The following ANKS1A variants were observed in gnomAD, a reference collection of about 807,000 sequenced individuals.
ANKS1A encodes the protein ankyrin repeat and SAM domain-containing protein 1A.
Under a neutral mutation model 120.3 loss-of-function variants are expected in ANKS1A, and 55 were observed. That is an observed-to-expected ratio of 0.46 (90% confidence interval 0.37 to 0.57). The LOEUF (loss-of-function observed/expected upper bound fraction) is 0.57, where lower values mean the gene tolerates loss of function less well. Among genes scored for constraint, ANKS1A ranks in the 20% least tolerant of loss-of-function variants. The probability of loss-of-function intolerance (pLI) is 0.00; values close to 1 mark genes in which losing one functional copy is unlikely to be tolerated. For synonymous variants in ANKS1A, 590 were observed against 604.7 expected (o/e 0.98, Z 0.36); for missense variants, 1,123 against 1,480.3 (o/e 0.76, Z 3.96).
chr6:35,086,483 G>A lies in ANKS1A; in HGVS notation c.3304-469G>A. The A allele has an allele frequency of 1.5e-6, 1 of 650,796 alleles. No homozygotes were observed. The allele number at this position is 650,796 out of a possible 1,614,324, so 40.3% of individuals were successfully genotyped here. ...GTGACATTCTTTCCCCTCTTCCTGA[G>A]ATGCCCTCTGCCTGTTCTGTGTGTG... On this transcript the variant is annotated intron_variant, in intron 22 of 23. Coordinates refer to ENST00000360359, the MANE Select transcript of ANKS1A (RefSeq NM_015245.3). The surrounding 1 kb of genome is among the most constrained non-coding windows in gnomAD (Gnocchi z 5.1).
chr6:35,073,889 G>C (rs1777203609), intron 13 of ANKS1A, among the ~76,000 whole-genome samples: 1 of 152,140 alleles, frequency 6.6e-6, no homozygotes, highest in African/African-American at 2.4e-5. Context: ...GCACTGAGTA[G>C]TCACCACACA....
At chr6:34,905,942 A>G (rs1412107234) in intron 1 of ANKS1A, among the ~76,000 whole-genome samples, 2 of 152,132 alleles carry the variant, frequency 1.3e-5, no homozygotes, top group African/African-American at 4.8e-5. Context: ...AGGGAAGAGG[A>G]CATGGCTAGA....
Position 34,977,229 on chromosome 6 carries a change from T to C in ANKS1A, c.436-4461T>C, listed in dbSNP as rs550217108. Among the ~76,000 whole-genome samples the C allele has an allele frequency of 4.6e-5, 7 of 152,324 alleles. No homozygotes were observed. In the Middle Eastern group the frequency reaches 0.024, roughly 518 times the overall value. ...TATTTCCTTATGATTAGATTCTGGGTATACATTTTTGGCAGGAGCGCCATG... is the reference window on the plus strand; with the variant it reads ...TATTTCCTTATGATTAGATTCTGGGCATACATTTTTGGCAGGAGCGCCATG... On this transcript the variant is annotated intron_variant, in intron 3 of 23. Coordinates refer to ENST00000360359, the MANE Select transcript of ANKS1A (RefSeq NM_015245.3).
chr6:35,091,259 A>G lies in ANKS1A; in HGVS notation c.*2650A>G, dbSNP rs1778292018. The stretch of plus-strand genomic sequence containing the variant: ...TTATAAACACTTTGAGGTACCAAAC[A>G]TAACCAATCTGTGCAACAACATAGA... On this transcript the variant is annotated 3_prime_UTR_variant, in exon 24 of 24. Coordinates refer to ENST00000360359, the MANE Select transcript of ANKS1A (RefSeq NM_015245.3). 6 of 985,928 alleles carry G rather than the reference A, an allele frequency of 6.1e-6. No homozygotes were observed. Among genetic ancestry groups the G allele is most frequent in the Non-Finnish European group, 6.0e-6 (5 of 829,950 alleles). The allele number at this position is 985,928 out of a possible 1,614,324, so 61.1% of individuals were successfully genotyped here. A position where few individuals can be genotyped will look rare whatever the true frequency, so the allele number is the denominator to read the frequency against.
intron 2 of ANKS1A, among the ~76,000 whole-genome samples, chr6:34,967,673 G>A (rs1463869820): frequency 6.6e-6 from 1 of 152,058 alleles, no homozygotes; most frequent in Non-Finnish European, 1.5e-5. Flanking sequence ...ATTCCAGCCT[G>A]GTTGACAGAG....
chr6:34,937,873 C>T (rs1035418238), intron 1 of ANKS1A, among the ~76,000 whole-genome samples: 2 of 152,128 alleles, frequency 1.3e-5, no homozygotes, highest in Admixed American at 6.5e-5. Flanking sequence ...AAATCAGTTA[C>T]ACCTCATAGC....
chr6:34,957,277 T>C (rs1025481475), intron 1 of ANKS1A, among the ~76,000 whole-genome samples: 1 of 152,246 alleles, frequency 6.6e-6, no homozygotes, highest in Admixed American at 6.5e-5. Context: ...GTTTCATGTC[T>C]GTGTTTTGTC....
intron 1 of ANKS1A, among the ~76,000 whole-genome samples, chr6:34,913,733 A>G (rs1485235718): frequency 6.6e-6 from 1 of 151,252 alleles, no homozygotes; most frequent in African/African-American, 2.4e-5. Context: ...TCCCTGGTTT[A>G]AGTGTTTCTC....
At chr6:34,944,536 A>G (rs188455022) in intron 1 of ANKS1A, among the ~76,000 whole-genome samples, 9 of 151,956 alleles carry the variant, frequency 5.9e-5, no homozygotes, top group Admixed American at 2.0e-4. Context: ...AGATCTTTTA[A>G]ATTAGGTTGT....
chr6:34,923,073 C>T (rs935366360), intron 1 of ANKS1A, among the ~76,000 whole-genome samples: 3 of 152,176 alleles, frequency 2.0e-5, no homozygotes, highest in African/African-American at 7.2e-5. Context: ...CTGAAGAAGA[C>T]GTCTAGAAAG....
intron 1 of ANKS1A, among the ~76,000 whole-genome samples, chr6:34,962,718 G>A (rs1770703639): frequency 6.6e-6 from 1 of 151,368 alleles, no homozygotes. Flanking sequence ...GAACCCGGGA[G>A]GCAGAGGTTG....
At chr6:34,967,464 G>A in intron 2 of ANKS1A, 145 bp downstream of exon 2, 3 of 556,314 alleles carry the variant, frequency 5.4e-6, no homozygotes, top group South Asian at 2.9e-5. Context: ...GAGGTGGGAG[G>A]ATCACATGAA....
chr6:35,060,959 C>T lies in ANKS1A; in HGVS notation c.2184+706C>T, dbSNP rs745913495. Among the ~76,000 whole-genome samples the T allele has an allele frequency of 2.6e-5, 4 of 152,206 alleles. No individual in the cohort carries two copies. The highest frequency in any genetic ancestry group is 5.9e-5 in the Non-Finnish European group (4 of 68,040). On this transcript the variant is annotated intron_variant, in intron 13 of 23. Transcript: ENST00000360359. The surrounding 1 kb of genome is among the most constrained non-coding windows in gnomAD (Gnocchi z 4.5). Reference sequence around the variant, plus strand: ...TGTCACTGTCCCTCTCTTGGAAGCCCTTCTAGAGGCATCTGCATGCGCCGG... The same window carrying T: ...TGTCACTGTCCCTCTCTTGGAAGCCTTTCTAGAGGCATCTGCATGCGCCGG...
chr6:35,085,662 C>A lies in ANKS1A; in HGVS notation c.3133-104C>A. 8.0e-7 allele frequency: 1 copy of A among 1,245,188 alleles called. No individual in the cohort carries two copies. The highest frequency in any genetic ancestry group is 1.1e-6 in the Non-Finnish European group (1 of 916,664). The allele number at this position is 1,245,188 out of a possible 1,614,324, so 77.1% of individuals were successfully genotyped here. A position where few individuals can be genotyped will look rare whatever the true frequency, so the allele number is the denominator to read the frequency against. ...GAGTGGAAGGAGGTAGGAGCGCTCC[C>A]GGGTAGACTTAGAGGGGGACACATG... On this transcript the variant is annotated intron_variant, in intron 21 of 23. Coordinates refer to ENST00000360359, the MANE Select transcript of ANKS1A (RefSeq NM_015245.3). This position sits in a 1 kb window ranked among gnomAD's most constrained non-coding sequence, Gnocchi z 4.7.
chr6:35,090,711 T>C lies in ANKS1A; in HGVS notation c.*2102T>C. ...TATAACTTTAAGGACAGGCTTCAAG[T>C]GGGAAGGCCCCTACTTTTGCACTTC... On this transcript the variant is annotated 3_prime_UTR_variant, in exon 24 of 24. Transcript: ENST00000360359. 1 of 987,850 alleles carries C rather than the reference T, an allele frequency of 1.0e-6. No homozygotes were observed. Among genetic ancestry groups the C allele is most frequent in the Non-Finnish European group, 1.2e-6 (1 of 831,636 alleles). The allele number at this position is 987,850 out of a possible 1,614,324, so 61.2% of individuals were successfully genotyped here. A position where few individuals can be genotyped will look rare whatever the true frequency, so the allele number is the denominator to read the frequency against.
In ANKS1A at chr6:34,975,763, AT is replaced by A. The variant is rs1408089487; in HGVS notation, c.435+5598del. Among the ~76,000 whole-genome samples the A allele has an allele frequency of 1.4e-4, 21 of 151,212 alleles. No homozygotes were observed. In the South Asian group the frequency reaches 2.5e-3, roughly 18 times the overall value. On this transcript the variant is annotated intron_variant, in intron 3 of 23. Transcript: ENST00000360359. Reference sequence around the variant, plus strand: ...AGTGAGACCCTGTCTCAAAAAAAAAATAATAATAATAATAGAAACAGAGAGG... The same window carrying A: ...AGTGAGACCCTGTCTCAAAAAAAAAAAATAATAATAATAGAAACAGAGAGG...
Position 35,061,412 on chromosome 6 carries a change from C to T in ANKS1A, c.2184+1159C>T, listed in dbSNP as rs187703921. On this transcript the variant is annotated intron_variant, in intron 13 of 23. Transcript: ENST00000360359. ...TCTCTCACCTGTGCCCGCCTTGCTC[C>T]GCTGCCTCAGTTGAGGGCTGGGGTC... 5.1e-3 allele frequency among the ~76,000 whole-genome samples: 778 copies of T among 152,344 alleles called. 4 individuals carry two copies. Among genetic ancestry groups the T allele is most frequent in the Non-Finnish European group, 9.3e-3 (631 of 68,022 alleles).
At position 34,989,335 on chromosome 6, in the gene ANKS1A, A is replaced by T; in HGVS notation, c.1302+19A>T. 6.2e-7 allele frequency: 1 copy of T among 1,604,540 alleles called. No homozygotes were observed. The highest frequency in any genetic ancestry group is 8.5e-7 in the Non-Finnish European group (1 of 1,175,558). ...TTCTGAGGTAGAGGGTTGTGGGTTT[A>T]TTCCCCATTGCTGAAATTTGAGTTT... is the stretch of plus-strand genomic sequence containing the variant. On this transcript the variant is annotated intron_variant, in intron 9 of 23. Transcript: ENST00000360359.
intron 1 of ANKS1A, among the ~76,000 whole-genome samples, chr6:34,964,063 A>G (rs1581757500): frequency 6.6e-6 from 1 of 152,164 alleles, no homozygotes; most frequent in Non-Finnish European, 1.5e-5. Context: ...CTCCTATTCC[A>G]TAAGTGGTCT....
Sources: allele counts gnomAD v4.1 joint callset (sites outside exome capture counted in the v4.1 genomes callset), GRCh38; gene constraint gnomAD v4.1.1; non-coding constraint Gnocchi (gnomAD v3.1); transcripts MANE v1.5; gene names NCBI Gene and HGNC (gene_info 2026-07-23, HGNC 2026-07-21).